Variants in MYPN observed in about 807,000 individuals in gnomAD.
MYPN encodes the protein myopalladin.
Under a neutral mutation model 129.4 loss-of-function variants are expected in MYPN, and 63 were observed. That is an observed-to-expected ratio of 0.49 (90% CI 0.40 to 0.60). The LOEUF is 0.60. MYPN is among the 20% of genes least tolerant of loss of function. The pLI is 0.00. For synonymous variants in MYPN, 629 were observed against 600.9 expected, an observed-to-expected ratio of 1.05 and a Z score of -0.68; for missense variants, 1,596 against 1,635.4, an observed-to-expected ratio of 0.98 and a Z score of 0.42.
intron 10 of MYPN, among the ~76,000 whole-genome samples, chr10:68,171,487 G>A (rs531917426): frequency 5.3e-5 from 8 of 152,300 alleles, no homozygotes; most frequent in Admixed American, 3.9e-4. Context: ...TGGGGATGGG[G>A]GCCAGAAACC....
intron 2 of MYPN, among the ~76,000 whole-genome samples, chr10:68,133,785 G>A (rs1437779127): frequency 1.3e-5 from 2 of 151,274 alleles, no homozygotes; most frequent in Admixed American, 1.3e-4. Context: ...AATTTACACG[G>A]AAGCCAGAGC....
chr10:68,143,214 TA>T (rs2042605079), intron 3 of MYPN, 99 bp downstream of exon 3: 5 of 1,181,002 alleles, frequency 4.2e-6, no homozygotes, highest in African/African-American at 3.0e-5. Context: ...TGCGCTCTTC[TA>T]GGCAATGAGG....
At chr10:68,175,634 G>A (rs1197290802) in intron 12 of MYPN, among the ~76,000 whole-genome samples, 173 bp downstream of exon 12, 2 of 152,022 alleles carry the variant, frequency 1.3e-5, no homozygotes, top group African/African-American at 2.4e-5. Context: ...GTGGATCTGC[G>A]GTTCGTAATT....
upstream of MYPN, among the ~76,000 whole-genome samples, chr10:68,108,500 C>G (rs111434345): frequency 3.3e-3 from 495 of 152,204 alleles, 9 homozygotes; most frequent in African/African-American, 0.011. Context: ...GGAAGAAACC[C>G]TATAAGCAGT....
chr10:68,172,899 C>T (rs968001120), intron 10 of MYPN, among the ~76,000 whole-genome samples: 14 of 151,918 alleles, frequency 9.2e-5, no homozygotes, highest in Admixed American at 9.2e-4. Context: ...ATGGTGAAAC[C>T]CTGTCTCTAC....
rs2043199337 is a variant in MYPN at position 68,174,666 on chromosome 10, A to G, written c.2564+10A>G. ...GAAGTGCACCATCCATGTAAGTGTC[A>G]TTGAGGTTTCTTGATGTAAGATGCT... On this transcript the variant is annotated intron_variant, in intron 11 of 19. Coordinates refer to ENST00000358913, the MANE Select transcript of MYPN (RefSeq NM_032578.4). The G allele has an allele frequency of 1.9e-6, 3 of 1,612,792 alleles. No individual in the cohort carries two copies. The highest frequency in any genetic ancestry group is 2.2e-5 in the East Asian group (1 of 44,876).
intron 2 of MYPN, among the ~76,000 whole-genome samples, chr10:68,134,785 C>T (rs2042460631): frequency 6.6e-6 from 1 of 151,772 alleles, no homozygotes; most frequent in Admixed American, 6.6e-5. Context: ...CAGAGCAAGA[C>T]TCCATCTCAA....
chr10:68,138,233 G>T (rs1214032488), intron 2 of MYPN, among the ~76,000 whole-genome samples: 1 of 151,370 alleles, frequency 6.6e-6, no homozygotes, highest in Admixed American at 6.6e-5. Context: ...CTCCTGAGTA[G>T]CTGGGAATAC....
chr10:68,104,703 C>A (rs2041999111), upstream of MYPN, among the ~76,000 whole-genome samples: 1 of 152,120 alleles, frequency 6.6e-6, no homozygotes, highest in South Asian at 2.1e-4. Context: ...CGGTTTCAGT[C>A]AGAAAAATTA....
intron 1 of MYPN, among the ~76,000 whole-genome samples, chr10:68,113,913 T>C (rs1245563565): frequency 6.6e-6 from 1 of 152,208 alleles, no homozygotes; most frequent in Non-Finnish European, 1.5e-5. Context: ...ATTGAAGCTC[T>C]ACTCTTTTAG....
upstream of MYPN, chr10:68,106,923 A>G (rs1292213698): frequency 3.0e-6 from 2 of 666,696 alleles, no homozygotes; most frequent in Non-Finnish European, 5.4e-6. Flanking sequence ...TTTATGGGGA[A>G]GGCTTAAGAC....
intron 10 of MYPN, among the ~76,000 whole-genome samples, chr10:68,168,460 A>G (rs1447028258): frequency 6.6e-6 from 1 of 152,236 alleles, no homozygotes; most frequent in African/African-American, 2.4e-5. Context: ...ATTCTAAGTC[A>G]ATATGAGTGA....
chr10:68,103,730 A>G (rs774830872), upstream of MYPN, among the ~76,000 whole-genome samples: 3 of 152,194 alleles, frequency 2.0e-5, no homozygotes, highest in Non-Finnish European at 4.4e-5. Flanking sequence ...TGGGCAGATC[A>G]CCTGAGGTCA....
At chr10:68,136,541 A>G in intron 2 of MYPN, 2 of 1,426,158 alleles carry the variant, frequency 1.4e-6, no homozygotes, top group Non-Finnish European at 1.8e-6. Context: ...ATCCCTGCCT[A>G]ATTTCTAAGT....
chr10:68,210,191 A>C, intron 19 of MYPN, 95 bp from the exon 20 acceptor site: 1 of 1,400,704 alleles, frequency 7.1e-7, no homozygotes, highest in Non-Finnish European at 1.0e-6. Context: ...AAGAATGCTC[A>C]GGGAGAATCG....
Position 68,195,441 on chromosome 10 carries a change from G to T in MYPN, c.3076-9G>T. On this transcript the variant is annotated splice_polypyrimidine_tract_variant and intron_variant, in intron 14 of 19. Transcript: ENST00000358913. ...CTTGTTTTAATCTTGCTCTTTTTCT[G>T]TTTGTCAGGGGAGAATCAGCTGTTC... The T allele has an allele frequency of 6.2e-7, 1 of 1,613,512 alleles. No homozygotes were observed. The highest frequency in any genetic ancestry group is 8.5e-7 in the Non-Finnish European group (1 of 1,179,544).
chr10:68,121,390 A>G (rs1422676306), intron 1 of MYPN, 48 bp from the exon 2 acceptor site: 1 of 1,545,790 alleles, frequency 6.5e-7, no homozygotes, highest in Admixed American at 1.9e-5. Flanking sequence ...TAGACTTGTT[A>G]TTCCCTAGAA....
At chr10:68,143,193 C>G (rs2042604797) in intron 3 of MYPN, 78 bp downstream of exon 3, 5 of 1,388,828 alleles carry the variant, frequency 3.6e-6, no homozygotes, top group Middle Eastern at 2.5e-4. Context: ...TATTGAGGGC[C>G]TCCTCTACCA....
chr10:68,094,089 T>G (rs1289750717), intron 1 of MYPN, among the ~76,000 whole-genome samples: 1 of 152,122 alleles, frequency 6.6e-6, no homozygotes. Context: ...CGTCGCCATC[T>G]TGGATTTGGT....
Sources: gnomAD v4.1 joint callset for allele counts (sites outside exome capture counted in the v4.1 genomes callset) on GRCh38, gnomAD v4.1.1 for gene constraint, MANE v1.5 for transcripts, NCBI Gene and HGNC (gene_info 2026-07-23, HGNC 2026-07-21) for gene names.